SEMA5A: variants seen among roughly 807,000 people sequenced by gnomAD.
The protein encoded by SEMA5A is semaphorin-5A.
SEMA5A carries 55 observed loss-of-function variants against 135.5 expected under a neutral mutation model. The observed-to-expected ratio is 0.41, with a 90% CI of 0.33 to 0.51. The LOEUF (loss-of-function observed/expected upper bound fraction) is 0.51. Among genes scored for constraint, SEMA5A ranks in the 20% least tolerant of loss-of-function variants. SEMA5A has a pLI of 0.37. For missense variants in SEMA5A, 1,290 were observed against 1,419.9 expected, an observed-to-expected ratio of 0.91 and a Z score of 1.47; for synonymous variants, 580 against 546.5, an observed-to-expected ratio of 1.06 and a Z score of -0.85.
At chr5:9,205,586 C>T (rs149805552) in intron 8 of SEMA5A, among the ~76,000 whole-genome samples, 297 of 152,274 alleles carry the variant, frequency 2.0e-3, no homozygotes, top group African/African-American at 7.0e-3. Context: ...AGAGCCTCTA[C>T]CATATCTCCA....
intron 1 of SEMA5A, among the ~76,000 whole-genome samples, chr5:9,462,671 T>C (rs562047753): frequency 8.5e-5 from 13 of 152,308 alleles, no homozygotes; most frequent in African/African-American, 3.1e-4. Flanking sequence ...TCATGTCCTT[T>C]GCAGGAACAT....
chr5:9,507,157 A>G (rs1735932748), intron 1 of SEMA5A, among the ~76,000 whole-genome samples: 1 of 152,212 alleles, frequency 6.6e-6, no homozygotes, highest in South Asian at 2.1e-4. Flanking sequence ...TCTCACTGTA[A>G]TAAAGAAGCA....
At chr5:9,230,153 T>C (rs905397170) in intron 6 of SEMA5A, among the ~76,000 whole-genome samples, 25 of 146,694 alleles carry the variant, frequency 1.7e-4, no homozygotes, top group South Asian at 4.2e-4. Context: ...CCTGGCTATT[T>C]TTTTCTTTTT....
chr5:9,301,376 A>T (rs1296656185), intron 5 of SEMA5A, among the ~76,000 whole-genome samples: 1 of 152,218 alleles, frequency 6.6e-6, no homozygotes, highest in Non-Finnish European at 1.5e-5. Context: ...AGCAGACAGG[A>T]GTAAAATCGT....
chr5:9,410,676 A>G (rs1757071498), intron 2 of SEMA5A, among the ~76,000 whole-genome samples: 2 of 152,160 alleles, frequency 1.3e-5, no homozygotes, highest in Admixed American at 1.3e-4. Context: ...ACGTGGACAC[A>G]GAGAGGCGAG....
At chr5:9,321,740 A>C (rs1330026109) in intron 4 of SEMA5A, among the ~76,000 whole-genome samples, 1 of 152,188 alleles carries the variant, frequency 6.6e-6, no homozygotes. Flanking sequence ...CAATTTTAAG[A>C]AGGACTTCTT....
At position 9,396,529 on chromosome 5, in the gene SEMA5A, GCC is replaced by G. The variant is rs769785200; in HGVS notation, c.-77-16508_-77-16507del. On this transcript the variant is annotated intron_variant, in intron 2 of 22. Transcript: ENST00000382496. ...ATACCTACCAACCAGCCAAGCCAGA[GCC>G]CCCACTCTCAACCATCTCCTTTATC... Among the ~76,000 whole-genome samples, 53 of 152,068 alleles carry G rather than the reference GCC, an allele frequency of 3.5e-4. No homozygotes were observed. In the South Asian group the frequency reaches 3.7e-3, roughly 11 times the overall value.
intron 4 of SEMA5A, among the ~76,000 whole-genome samples, chr5:9,321,985 G>C (rs2150677501): frequency 6.6e-6 from 1 of 152,336 alleles, no homozygotes; most frequent in Admixed American, 6.5e-5. Context: ...ACAGTCTGCA[G>C]TGCTCTGTAG....
At chr5:9,167,093 A>G (rs977925999) in intron 11 of SEMA5A, among the ~76,000 whole-genome samples, 3 of 152,180 alleles carry the variant, frequency 2.0e-5, no homozygotes, top group African/African-American at 7.2e-5. Flanking sequence ...CATTAATTCT[A>G]AAGGAAAAAA....
intron 1 of SEMA5A, among the ~76,000 whole-genome samples, chr5:9,443,340 G>A (rs1223798089): frequency 1.3e-5 from 2 of 152,122 alleles, no homozygotes; most frequent in African/African-American, 4.8e-5. Context: ...AGAAAGCAGA[G>A]AGAGGGGAGA....
intron 2 of SEMA5A, among the ~76,000 whole-genome samples, chr5:9,413,471 G>A (rs1175136198): frequency 2.6e-5 from 4 of 152,102 alleles, no homozygotes; most frequent in Admixed American, 2.0e-4. Flanking sequence ...TCACATAAAC[G>A]GGCTGTTATA....
chr5:9,408,834 AT>A (rs113879391), intron 2 of SEMA5A, among the ~76,000 whole-genome samples: 3,057 of 143,710 alleles, frequency 0.021, 35 homozygotes, highest in African/African-American at 0.032. Context: ...ATTTTTAGTT[AT>A]TTTTTTTTTA....
chr5:9,513,279 C>T (rs1736320466), intron 1 of SEMA5A, among the ~76,000 whole-genome samples: 1 of 151,774 alleles, frequency 6.6e-6, no homozygotes, highest in Admixed American at 6.6e-5. Flanking sequence ...AACCAGAAAA[C>T]TTTACAGAGT....
chr5:9,056,768 A>G (rs1333695744), intron 18 of SEMA5A, among the ~76,000 whole-genome samples: 1 of 152,152 alleles, frequency 6.6e-6, no homozygotes, highest in African/African-American at 2.4e-5. Context: ...AGCAATCCCA[A>G]TCCTGGGTAT....
At chr5:9,343,122 T>C (rs577843661) in intron 3 of SEMA5A, among the ~76,000 whole-genome samples, 2 of 152,356 alleles carry the variant, frequency 1.3e-5, no homozygotes, top group South Asian at 4.1e-4. Context: ...AACCAGCTAC[T>C]ACTTTAACCT....
At chr5:9,510,340 G>T (rs1200794624) in intron 1 of SEMA5A, among the ~76,000 whole-genome samples, 2 of 152,140 alleles carry the variant, frequency 1.3e-5, no homozygotes, top group Non-Finnish European at 2.9e-5. Flanking sequence ...GTGTGTATTT[G>T]AACACATTAA....
intron 19 of SEMA5A, 132 bp downstream of exon 19, chr5:9,053,955 T>C (rs868228555): frequency 8.6e-6 from 8 of 932,724 alleles, no homozygotes; most frequent in African/African-American, 3.3e-5. Context: ...TCAAGGGTAA[T>C]AGCATGTTGC....
At chr5:9,494,310 G>A (rs1462010999) in intron 1 of SEMA5A, among the ~76,000 whole-genome samples, 2 of 152,074 alleles carry the variant, frequency 1.3e-5, no homozygotes, top group African/African-American at 4.8e-5. Context: ...AGAACATCAA[G>A]GCAGTACAAT....
chr5:9,210,941 G>A (rs1746316110), intron 8 of SEMA5A, among the ~76,000 whole-genome samples: 1 of 152,272 alleles, frequency 6.6e-6, no homozygotes, highest in Admixed American at 6.5e-5. Context: ...ATGCATGGAG[G>A]CCATTGATTT....
Sources: allele counts gnomAD v4.1 joint callset (sites outside exome capture counted in the v4.1 genomes callset), GRCh38; gene constraint gnomAD v4.1.1; transcripts MANE v1.5; gene names NCBI Gene and HGNC (gene_info 2026-07-23, HGNC 2026-07-21).